Variants in EEFSEC observed in about 807,000 individuals in gnomAD.
EEFSEC encodes the protein selenocysteine-specific elongation factor.
A neutral mutation model predicts 42.1 loss-of-function variants in EEFSEC; 43 were observed. The ratio of observed to expected loss-of-function variants is 1.02; its 90% CI spans 0.80 to 1.32. The LOEUF is 1.32. EEFSEC is among the 40% of genes most tolerant of loss of function. EEFSEC has a pLI of 0.00. For missense variants in EEFSEC, 745 were observed against 803.6 expected (o/e 0.93, Z 0.88); for synonymous variants, 354 against 339.1 (o/e 1.04, Z -0.48).
At chr3:128,188,170 A>G (rs955341882) in intron 1 of EEFSEC, among the ~76,000 whole-genome samples, 8 of 152,058 alleles carry the variant, frequency 5.3e-5, no homozygotes, top group Non-Finnish European at 1.2e-4. Context: ...GAGGGATGGA[A>G]AGGAAGGAAG....
At chr3:128,422,670 C>G in the EEFSEC span, among the ~76,000 whole-genome samples, 3 of 152,374 alleles carry the variant, frequency 2.0e-5, no homozygotes, top group South Asian at 6.2e-4. Context: ...TTTCCTCAAC[C>G]CTTGCTTGGG....
intron 1 of EEFSEC, among the ~76,000 whole-genome samples, chr3:128,206,556 G>A (rs894481543): frequency 6.6e-6 from 1 of 151,962 alleles, no homozygotes; most frequent in African/African-American, 2.4e-5. Flanking sequence ...ATGAGAATAG[G>A]ACATATAAAC....
chr3:128,162,512 T>A (rs2065200644), intron 1 of EEFSEC, among the ~76,000 whole-genome samples: 1 of 152,226 alleles, frequency 6.6e-6, no homozygotes, highest in Non-Finnish European at 1.5e-5. Context: ...AGTTGAGCTT[T>A]GTCTGCGGCA....
intron 6 of EEFSEC, among the ~76,000 whole-genome samples, chr3:128,405,043 G>A (rs527682876): frequency 2.7e-5 from 4 of 148,620 alleles, no homozygotes; most frequent in African/African-American, 7.5e-5. Context: ...TTAAGACTGA[G>A]TCTCGCTCTG....
At chr3:128,206,677 C>CT (rs2065700107) in intron 1 of EEFSEC, among the ~76,000 whole-genome samples, 1 of 152,174 alleles carries the variant, frequency 6.6e-6, no homozygotes, top group Admixed American at 6.5e-5. Flanking sequence ...TAATAATCAC[C>CT]TTTATGATTT....
At chr3:128,243,850 C>G (rs1000184734) in intron 1 of EEFSEC, among the ~76,000 whole-genome samples, 5 of 152,170 alleles carry the variant, frequency 3.3e-5, no homozygotes, top group Non-Finnish European at 7.3e-5. Flanking sequence ...AGTTAAGAAC[C>G]TGGGCACCAG....
chr3:128,232,130 T>C (rs1204735875), intron 1 of EEFSEC, among the ~76,000 whole-genome samples: 3 of 152,118 alleles, frequency 2.0e-5, no homozygotes, highest in Non-Finnish European at 4.4e-5. Context: ...CAAGCTGTTA[T>C]AGTATATGAG....
intron 1 of EEFSEC, among the ~76,000 whole-genome samples, chr3:128,161,803 G>A (rs1227634341): frequency 6.6e-6 from 1 of 152,164 alleles, no homozygotes; most frequent in Admixed American, 6.5e-5. Context: ...ACTCGTAAAT[G>A]AAACAAGGGG....
chr3:128,388,133 C>A (rs1279053597), intron 6 of EEFSEC, among the ~76,000 whole-genome samples: 1 of 152,228 alleles, frequency 6.6e-6, no homozygotes, highest in Non-Finnish European at 1.5e-5. Flanking sequence ...AAAAAAAGTC[C>A]TTTCTCTGAG....
intron 6 of EEFSEC, among the ~76,000 whole-genome samples, chr3:128,361,117 G>C (rs1243609310): frequency 6.6e-6 from 1 of 152,162 alleles, no homozygotes; most frequent in Non-Finnish European, 1.5e-5. Flanking sequence ...GACAGGGCTG[G>C]GTTCAGATGC....
At chr3:128,419,449 A>G in the EEFSEC span, among the ~76,000 whole-genome samples, 1 of 152,368 alleles carries the variant, frequency 6.6e-6, no homozygotes, top group South Asian at 2.1e-4. Context: ...CAGAAACTCC[A>G]CAAAGTGATA....
intron 1 of EEFSEC, among the ~76,000 whole-genome samples, chr3:128,226,029 A>C (rs1053186973): frequency 1.8e-4 from 27 of 152,356 alleles, no homozygotes; most frequent in Non-Finnish European, 2.9e-4. Context: ...GATATGCCGG[A>C]GAACAGAGCC....
intron 4 of EEFSEC, among the ~76,000 whole-genome samples, chr3:128,269,065 A>G (rs1333602654): frequency 3.9e-5 from 6 of 152,222 alleles, no homozygotes; most frequent in Non-Finnish European, 8.8e-5. Context: ...TGGGGGCAAC[A>G]TGTCAGAACC....
chr3:128,302,959 C>A (rs1284497370), intron 4 of EEFSEC, among the ~76,000 whole-genome samples: 2 of 151,974 alleles, frequency 1.3e-5, no homozygotes. Context: ...ATTTTAGTGC[C>A]ATTGATGGAC....
intron 1 of EEFSEC, among the ~76,000 whole-genome samples, chr3:128,230,079 G>A (rs1301000747): frequency 6.9e-5 from 9 of 130,336 alleles, no homozygotes; most frequent in Non-Finnish European, 1.3e-4. Context: ...TTTCTCGCCC[G>A]CTTTCTGTCA....
intron 1 of EEFSEC, among the ~76,000 whole-genome samples, chr3:128,174,780 G>A (rs967774239): frequency 6.6e-6 from 1 of 152,172 alleles, no homozygotes; most frequent in Admixed American, 6.5e-5. Context: ...TTGGTAAATG[G>A]AAGCAGGCCT....
At chr3:128,326,588 C>T (rs1445700555) in intron 4 of EEFSEC, among the ~76,000 whole-genome samples, 1 of 152,198 alleles carries the variant, frequency 6.6e-6, no homozygotes, top group Non-Finnish European at 1.5e-5. Context: ...CCAGGAGGCT[C>T]AGAAGTGCTT....
chr3:128,382,134 G>A (rs2067783717), intron 6 of EEFSEC, among the ~76,000 whole-genome samples: 2 of 152,214 alleles, frequency 1.3e-5, no homozygotes, highest in East Asian at 3.8e-4. Flanking sequence ...GGGTTGTCAG[G>A]AAGAAGAAAG....
chr3:128,423,250 G>C, the EEFSEC span, among the ~76,000 whole-genome samples: 1 of 152,184 alleles, frequency 6.6e-6, no homozygotes, highest in African/African-American at 2.4e-5. Flanking sequence ...ATCAACTGAT[G>C]AATGGATACA....
Sources: gnomAD v4.1 joint callset for allele counts (sites outside exome capture counted in the v4.1 genomes callset) on GRCh38, gnomAD v4.1.1 for gene constraint, MANE v1.5 for transcripts, NCBI Gene and HGNC (gene_info 2026-07-23, HGNC 2026-07-21) for gene names.